The following UNC13C variants were observed in gnomAD, a reference collection of about 807,000 sequenced individuals.
The protein encoded by UNC13C is protein unc-13 homolog C.
In UNC13C, 174 loss-of-function variants were observed where a neutral mutation model predicts 245.4. The observed-to-expected ratio is 0.71, with a 90% CI of 0.63 to 0.80. The LOEUF (loss-of-function observed/expected upper bound fraction) is 0.80, where lower values mean the gene tolerates loss of function less well. Ranked by LOEUF, UNC13C falls within the 30% of genes least tolerant of loss-of-function variation. UNC13C has a pLI of 0.00. For missense variants in UNC13C, 2,829 were observed against 2,602.9 expected (o/e 1.09, Z -1.89); for synonymous variants, 992 against 895.1 (o/e 1.11, Z -1.93).
At position 54,014,172 on chromosome 15, in the gene UNC13C, C is replaced by T. The variant is rs767244539; in HGVS notation, c.1269C>T (p.Ser423=). The T allele has an allele frequency of 3.7e-6, 6 of 1,613,860 alleles. No individual in the cohort carries two copies. The South Asian group carries it at 5.5e-5, about 15-fold the overall frequency. The change falls in exon 2 of 33, where the codon TCC becomes TCT. Residue 423 remains serine, a synonymous_variant. Transcript: ENST00000260323. ...AAAGAAAAGAGAAAGGGATACCATCCTCCCAGACATATGAGAGCATGGCTA... is the reference window on the plus strand; with the variant it reads ...AAAGAAAAGAGAAAGGGATACCATCTTCCCAGACATATGAGAGCATGGCTA... ...IRERKEKGIP[S]SQTYESMAIK... is the part of the protein sequence containing the mutation.
chr15:54,438,856 A>G (rs565341298), intron 19 of UNC13C, among the ~76,000 whole-genome samples: 47 of 152,068 alleles, frequency 3.1e-4, no homozygotes, highest in African/African-American at 1.1e-3. Flanking sequence ...AAGTAACATT[A>G]AGTTCTTCCC....
the UNC13C span, among the ~76,000 whole-genome samples, chr15:53,923,226 A>G: frequency 6.6e-6 from 1 of 152,260 alleles, no homozygotes; most frequent in Non-Finnish European, 1.5e-5. Context: ...TAAAGCCCTT[A>G]GCTATACCAC....
intron 1 of UNC13C, among the ~76,000 whole-genome samples, chr15:53,994,792 G>T (rs1484335701): frequency 1.3e-5 from 2 of 151,922 alleles, no homozygotes; most frequent in Non-Finnish European, 2.9e-5. Flanking sequence ...AAATATTGCA[G>T]AACTTATATA....
At chr15:54,609,193 T>A (rs1387639809) in intron 30 of UNC13C, 2 of 152,218 alleles carry the variant, frequency 1.3e-5, no homozygotes, top group Admixed American at 1.3e-4. Flanking sequence ...GCTGCTTGAG[T>A]ATTTTCCTGG....
chr15:54,175,605 C>T (rs368544060), intron 4 of UNC13C, among the ~76,000 whole-genome samples: 1 of 151,142 alleles, frequency 6.6e-6, no homozygotes, highest in Non-Finnish European at 1.5e-5. Context: ...CTCCGCCTCC[C>T]GGGTTCACGC....
chr15:54,432,741 C>G lies in UNC13C; in HGVS notation c.4933+17674C>G, dbSNP rs538420070. ...AAAGCTAGCAGAAGACAAGAAATAA[C>G]TAAGATCAGAGCAGAACTGAAGGAG... On this transcript the variant is annotated intron_variant, in intron 19 of 32. Transcript: ENST00000260323. 6.6e-5 allele frequency among the ~76,000 whole-genome samples: 10 copies of G among 151,942 alleles called. No homozygotes were observed. The South Asian group carries it at 2.1e-3, about 32-fold the overall frequency.
At chr15:54,189,108 G>A (rs1402758807) in intron 4 of UNC13C, among the ~76,000 whole-genome samples, 1 of 152,078 alleles carries the variant, frequency 6.6e-6, no homozygotes, top group East Asian at 1.9e-4. Context: ...AAATAGCAAG[G>A]ATAACTCATT....
intron 30 of UNC13C, among the ~76,000 whole-genome samples, chr15:54,617,915 T>C (rs1440623735): frequency 6.6e-6 from 1 of 152,060 alleles, no homozygotes; most frequent in Non-Finnish European, 1.5e-5. Flanking sequence ...CCTCCTTGTT[T>C]TGTGGGGCCC....
intron 4 of UNC13C, among the ~76,000 whole-genome samples, chr15:54,145,858 C>A (rs992186478): frequency 6.6e-6 from 1 of 152,224 alleles, no homozygotes; most frequent in African/African-American, 2.4e-5. Flanking sequence ...AGTTAATCTA[C>A]ATCCATGCTT....
chr15:53,935,959 T>A, the UNC13C span, among the ~76,000 whole-genome samples: 1 of 152,148 alleles, frequency 6.6e-6, no homozygotes, highest in Non-Finnish European at 1.5e-5. Context: ...CCCTGGGAAT[T>A]CTGGCAAAGC....
the UNC13C span, among the ~76,000 whole-genome samples, chr15:53,886,751 T>A: frequency 2.0e-5 from 3 of 152,134 alleles, no homozygotes; most frequent in African/African-American, 7.2e-5. Context: ...ATGATCAAGG[T>A]CAGTATCACT....
At chr15:54,571,180 C>T (rs1156769649) in intron 30 of UNC13C, among the ~76,000 whole-genome samples, 1 of 152,094 alleles carries the variant, frequency 6.6e-6, no homozygotes, top group Non-Finnish European at 1.5e-5. Context: ...AAGACATATC[C>T]AAGAGTGGGT....
intron 4 of UNC13C, among the ~76,000 whole-genome samples, chr15:54,195,086 G>A (rs983872894): frequency 3.3e-5 from 5 of 151,170 alleles, no homozygotes; most frequent in African/African-American, 9.7e-5. Context: ...AGTTTTTTTG[G>A]TTCTTCCCCA....
At chr15:54,593,697 T>A (rs944359863) in intron 30 of UNC13C, among the ~76,000 whole-genome samples, 1 of 152,162 alleles carries the variant, frequency 6.6e-6, no homozygotes, top group Non-Finnish European at 1.5e-5. Flanking sequence ...GTTTTTTCTT[T>A]GAGATGTCTA....
intron 17 of UNC13C, among the ~76,000 whole-genome samples, chr15:54,377,950 A>G (rs1396175933): frequency 6.6e-6 from 1 of 152,186 alleles, no homozygotes; most frequent in Non-Finnish European, 1.5e-5. Context: ...TAATCATAGG[A>G]ATGCATATTA....
chr15:54,102,193 T>C (rs1233723357), intron 2 of UNC13C, among the ~76,000 whole-genome samples: 4 of 151,894 alleles, frequency 2.6e-5, no homozygotes, highest in African/African-American at 4.8e-5. Flanking sequence ...CAAAGTATTA[T>C]AGCTTGGAGT....
intron 30 of UNC13C, among the ~76,000 whole-genome samples, chr15:54,601,328 G>A (rs1184582323): frequency 6.6e-6 from 1 of 152,122 alleles, no homozygotes; most frequent in African/African-American, 2.4e-5. Context: ...GGTGCAAGAG[G>A]CCACAAACAA....
chr15:54,329,055 T>C (rs1368483922), intron 14 of UNC13C, among the ~76,000 whole-genome samples: 1 of 150,668 alleles, frequency 6.6e-6, no homozygotes, highest in Non-Finnish European at 1.5e-5. Context: ...CCTGGTCTAG[T>C]TATTCTGGTC....
intron 18 of UNC13C, among the ~76,000 whole-genome samples, chr15:54,410,833 T>C (rs2040402484): frequency 6.6e-6 from 1 of 152,238 alleles, no homozygotes. Context: ...TTATTTTGTA[T>C]GTTTGGGTTC....
Sources: gnomAD v4.1 joint callset for allele counts (sites outside exome capture counted in the v4.1 genomes callset) on GRCh38, gnomAD v4.1.1 for gene constraint, MANE v1.5 for transcripts, NCBI Gene and HGNC (gene_info 2026-07-23, HGNC 2026-07-21) for gene names.